Variants in KSR2 observed in about 807,000 individuals in gnomAD.
The protein encoded by KSR2 is kinase suppressor of ras 2.
Under a neutral mutation model 107.8 loss-of-function variants are expected in KSR2, and 25 were observed. The observed-to-expected ratio is 0.23, with a 90% CI of 0.17 to 0.32. KSR2 has a LOEUF of 0.32. Ranked by LOEUF, KSR2 falls within the 10% of genes least tolerant of loss-of-function variation. The probability of loss-of-function intolerance (pLI) is 1.00; values close to 1 mark genes in which losing one functional copy is unlikely to be tolerated. For missense variants in KSR2, 887 were observed against 1,268.9 expected, an observed-to-expected ratio of 0.70 and a Z score of 4.57; for synonymous variants, 480 against 507.0, an observed-to-expected ratio of 0.95 and a Z score of 0.71.
intron 10 of KSR2, 156 bp downstream of exon 10, chr12:117,539,563 G>A (rs1876314521): frequency 1.6e-6 from 1 of 627,780 alleles, no homozygotes; most frequent in African/African-American, 1.9e-5. Context: ...TACGATAAGG[G>A]TCAGTCCACA....
intron 16 of KSR2, among the ~76,000 whole-genome samples, chr12:117,482,518 C>A (rs1234711115): frequency 6.6e-6 from 1 of 152,178 alleles, no homozygotes; most frequent in African/African-American, 2.4e-5. Flanking sequence ...GCTGAAGGCA[C>A]TCCCTGGGTT....
At chr12:117,674,532 C>CA (rs35344207) in intron 4 of KSR2, 189,096 of 421,848 alleles carry the variant, frequency 0.45, 45,546 homozygotes, top group Non-Finnish European at 0.52. Flanking sequence ...CCAGCCCCTG[C>CA]ACCACCAATC....
chr12:117,815,591 G>GT (rs1891338514), intron 3 of KSR2, among the ~76,000 whole-genome samples: 1 of 152,156 alleles, frequency 6.6e-6, no homozygotes, highest in African/African-American at 2.4e-5. Flanking sequence ...GACCAAGAAT[G>GT]TGAGTATTAA....
chr12:117,818,566 G>A (rs1891455711), intron 3 of KSR2, among the ~76,000 whole-genome samples: 1 of 152,202 alleles, frequency 6.6e-6, no homozygotes, highest in Non-Finnish European at 1.5e-5. Flanking sequence ...CGCAGTGAAT[G>A]AGCCCATAGC....
intron 3 of KSR2, among the ~76,000 whole-genome samples, chr12:117,834,232 T>C (rs1156987711): frequency 6.7e-6 from 1 of 149,940 alleles, no homozygotes; most frequent in Admixed American, 6.6e-5. Context: ...TTAAAAGGAG[T>C]TTCAGGTAAA....
chr12:117,671,746 C>T (rs1205062241), intron 4 of KSR2, among the ~76,000 whole-genome samples: 3 of 152,218 alleles, frequency 2.0e-5, no homozygotes, highest in Admixed American at 6.5e-5. Flanking sequence ...CGCTTAAGAG[C>T]GCTTGGTTCA....
At chr12:117,594,427 ACATGGTGGG>A (rs1880515313) in intron 5 of KSR2, among the ~76,000 whole-genome samples, 1 of 152,236 alleles carries the variant, frequency 6.6e-6, no homozygotes, top group Non-Finnish European at 1.5e-5. Flanking sequence ...TAGCTTGCAG[ACATGGTGGG>A]GACAGCCTCG....
chr12:117,523,793 C>T (rs769979911), intron 14 of KSR2, among the ~76,000 whole-genome samples: 11 of 152,106 alleles, frequency 7.2e-5, no homozygotes, highest in Admixed American at 6.5e-5. Context: ...ACCAAAATGG[C>T]GAAACCCTGT....
intron 1 of KSR2, among the ~76,000 whole-genome samples, chr12:117,866,431 T>C (rs771282594): frequency 6.6e-5 from 10 of 152,238 alleles, no homozygotes; most frequent in Non-Finnish European, 1.5e-4. Flanking sequence ...TTGTGTTACA[T>C]TGCATTTATT....
chr12:117,797,641 A>AC, intron 3 of KSR2, among the ~76,000 whole-genome samples: 1 of 103,938 alleles, frequency 9.6e-6, no homozygotes, highest in South Asian at 3.3e-4. Flanking sequence ...TATTATATAA[A>AC]TTTCACCTCA....
chr12:117,838,322 C>T (rs1892325832), intron 3 of KSR2, among the ~76,000 whole-genome samples: 1 of 152,214 alleles, frequency 6.6e-6, no homozygotes, highest in African/African-American at 2.4e-5. Flanking sequence ...CGCACACCAC[C>T]ACACCCAGCT....
At chr12:117,712,804 G>A (rs1431300109) in intron 4 of KSR2, among the ~76,000 whole-genome samples, 1 of 151,988 alleles carries the variant, frequency 6.6e-6, no homozygotes, top group Non-Finnish European at 1.5e-5. Flanking sequence ...GATAGATACA[G>A]AGATATCTAT....
intron 14 of KSR2, among the ~76,000 whole-genome samples, chr12:117,489,637 C>T (rs929445045): frequency 7.2e-5 from 11 of 151,728 alleles, no homozygotes; most frequent in South Asian, 2.1e-4. Context: ...AAATGTAAAG[C>T]GGCACTGATA....
chr12:117,624,443 A>G (rs1882359221), intron 5 of KSR2, among the ~76,000 whole-genome samples: 1 of 152,214 alleles, frequency 6.6e-6, no homozygotes, highest in Admixed American at 6.5e-5. Context: ...ACATATGGCT[A>G]GCCAGTTTTC....
chr12:117,578,976 A>G lies in KSR2; in HGVS notation c.1325+143T>C, dbSNP rs551107054. The stretch of plus-strand genomic sequence containing the variant: ...ACCCCCTACCCAAACTTACAGGTGC[A>G]TTTCCAATCTATTTCTGAAAAACAA... On this transcript the variant is annotated intron_variant, in intron 7 of 19. Coordinates refer to ENST00000339824, the MANE Select transcript of KSR2 (RefSeq NM_173598.6). 7.2e-4 allele frequency: 491 copies of G among 677,818 alleles called. 8 individuals are homozygous for G. The South Asian group carries it at 8.0e-3, about 11-fold the overall frequency. The allele number at this position is 677,818 out of a possible 1,614,324, so 42.0% of individuals were successfully genotyped here. A position where few individuals can be genotyped will look rare whatever the true frequency, so the allele number is the denominator to read the frequency against.
At chr12:117,684,669 C>T (rs900686453) in intron 4 of KSR2, among the ~76,000 whole-genome samples, 26 of 152,194 alleles carry the variant, frequency 1.7e-4, no homozygotes, top group Admixed American at 4.6e-4. Context: ...ATACAAATGC[C>T]TATGTCAGCA....
chr12:117,730,128 C>T (rs891551254), intron 4 of KSR2, among the ~76,000 whole-genome samples: 1 of 152,262 alleles, frequency 6.6e-6, no homozygotes, highest in African/African-American at 2.4e-5. Flanking sequence ...ATAGGTGCGG[C>T]TATGTTCTAA....
In KSR2 at chr12:117,928,001, C is replaced by G. The variant is rs75264978; in HGVS notation, c.180+40075G>C. Among the ~76,000 whole-genome samples the G allele has an allele frequency of 2.6e-3, 394 of 152,138 alleles. 1 individual carries two copies. The highest frequency in any genetic ancestry group is 9.2e-3 in the African/African-American group (380 of 41,484). On this transcript the variant is annotated intron_variant, in intron 1 of 19. Coordinates refer to ENST00000339824, the MANE Select transcript of KSR2 (RefSeq NM_173598.6). ...AGCCATAACTCGCCACTGCCCTCCCCTCTCAGCCCCTGGCAACCACCGTTC... is the reference window on the plus strand; with the variant it reads ...AGCCATAACTCGCCACTGCCCTCCCGTCTCAGCCCCTGGCAACCACCGTTC...
At chr12:117,486,887 T>G (rs1872496204) in intron 14 of KSR2, among the ~76,000 whole-genome samples, 1 of 152,326 alleles carries the variant, frequency 6.6e-6, no homozygotes, top group African/African-American at 2.4e-5. Flanking sequence ...AAACAGGCCT[T>G]GGCATCCAGT....
Sources: allele counts gnomAD v4.1 joint callset (sites outside exome capture counted in the v4.1 genomes callset), GRCh38; gene constraint gnomAD v4.1.1; transcripts MANE v1.5; gene names NCBI Gene and HGNC (gene_info 2026-07-23, HGNC 2026-07-21).